CROCC2: variants seen among roughly 807,000 people sequenced by gnomAD.
CROCC2 encodes ciliary rootlet coiled-coil protein 2.
CROCC2 carries 163 observed loss-of-function variants against 177.6 expected under a neutral mutation model. The observed-to-expected ratio is 0.92, with a 90% CI of 0.81 to 1.05. The LOEUF (loss-of-function observed/expected upper bound fraction) is 1.05, where lower values mean the gene tolerates loss of function less well. CROCC2 is among the 50% of genes least tolerant of loss of function. The pLI is 0.00. For synonymous variants in CROCC2, 904 were observed against 787.3 expected (o/e 1.15, Z -2.48); for missense variants, 1,929 against 1,797.8 (o/e 1.07, Z -1.32).
At chr2:240,967,534 T>C in intron 26 of CROCC2, 69 bp downstream of exon 26, 1 of 1,510,216 alleles carries the variant, frequency 6.6e-7, no homozygotes, top group Non-Finnish European at 8.9e-7. Context: ...ATGTCCCCAC[T>C]GCTGCCGGCT....
intron 31 of CROCC2, 136 bp from the exon 32 acceptor site, chr2:240,992,930 G>A (rs914796840): frequency 1.6e-6 from 1 of 623,326 alleles, no homozygotes; most frequent in East Asian, 2.9e-5. Context: ...GCCAGGGCGG[G>A]AGGGAGGAAC....
rs183814426 is a variant in CROCC2, at chr2:240,962,568, G to A, written c.3088-988G>A. On this transcript the variant is annotated intron_variant, in intron 20 of 31. Transcript: ENST00000690015. ...CAGCGGCAGCCTCGGGAGCCAGGCCGGTCGGGGGCCTGGACAATATCCCGT... is the reference window on the plus strand; with the variant it reads ...CAGCGGCAGCCTCGGGAGCCAGGCCAGTCGGGGGCCTGGACAATATCCCGT... 6.9e-3 allele frequency among the ~76,000 whole-genome samples: 1,048 copies of A among 152,300 alleles called. 10 individuals carry two copies. Among genetic ancestry groups the A allele is most frequent in the African/African-American group, 0.024 (1,002 of 41,550 alleles).
chr2:240,915,332 G>A (rs985576444), intron 1 of CROCC2, among the ~76,000 whole-genome samples: 1 of 152,230 alleles, frequency 6.6e-6, no homozygotes, highest in Non-Finnish European at 1.5e-5. Context: ...CAGAGTGTGG[G>A]AGGTCATTTG....
rs760912710 is a variant in CROCC2 at position 240,965,745 on chromosome 2, G to A, written c.3713G>A (p.Arg1238Gln). 29 of 1,536,832 alleles carry A rather than the reference G, an allele frequency of 1.9e-5. No individual in the cohort carries two copies. Among genetic ancestry groups the A allele is most frequent in the South Asian group, 1.5e-4 (12 of 80,858 alleles). The change falls in exon 24 of 32, where the codon CGA becomes CAA. Residue 1238 changes from arginine to glutamine, a missense_variant. By Grantham distance (43) the Arg-to-Gln change is conservative. Coordinates refer to ENST00000690015, the MANE Select transcript of CROCC2 (RefSeq NM_001351305.2). ...AGCCGGGGGGCTGAGCAGACCCTCC[G>A]AGCAGAGCTGCACAGTGTCACCAGG... ...RESRGAEQTLRAELHSVTRKL... is the reference protein window; with the variant it reads ...RESRGAEQTLQAELHSVTRKL...
At chr2:240,934,222 G>A (rs987081947) in intron 11 of CROCC2, 109 bp from the exon 12 acceptor site, 34 of 1,248,488 alleles carry the variant, frequency 2.7e-5, no homozygotes, top group Non-Finnish European at 3.6e-5. Flanking sequence ...TGCTCCTCCT[G>A]GGCCTCCCTG....
chr2:240,970,373 G>A (rs1319841308), intron 27 of CROCC2, among the ~76,000 whole-genome samples: 1 of 152,130 alleles, frequency 6.6e-6, no homozygotes, highest in African/African-American at 2.4e-5. Context: ...TGCCTCTTCT[G>A]GGGGAATTTG....
intron 19 of CROCC2, 148 bp from the exon 20 acceptor site, chr2:240,959,153 G>A: frequency 1.1e-6 from 1 of 901,982 alleles, no homozygotes; most frequent in East Asian, 2.9e-5. Flanking sequence ...CCAAGGGCCA[G>A]TTACCCCGGG....
At chr2:240,951,868 C>T (rs1167058292) in intron 18 of CROCC2, among the ~76,000 whole-genome samples, 2 of 152,228 alleles carry the variant, frequency 1.3e-5, no homozygotes, top group East Asian at 1.9e-4. Context: ...ACCAGCCACA[C>T]ATCTGGCCAT....
chr2:240,918,194 G>A lies in CROCC2; in HGVS notation c.79-532G>A, dbSNP rs1002945108. 6.6e-6 allele frequency among the ~76,000 whole-genome samples: 1 copy of A among 152,178 alleles called. No homozygotes were observed. Among genetic ancestry groups the A allele is most frequent in the Non-Finnish European group, 1.5e-5 (1 of 68,016 alleles). On this transcript the variant is annotated intron_variant, in intron 1 of 31. Coordinates refer to ENST00000690015, the MANE Select transcript of CROCC2 (RefSeq NM_001351305.2). This position sits in a 1 kb window ranked among gnomAD's most constrained non-coding sequence, Gnocchi z 6.3. The stretch of plus-strand genomic sequence containing the variant: ...TGGGCAGCTGAGCAGAGAAGGATGG[G>A]TTCAGCCTCAGCCCTCTGACCCATC...
chr2:240,952,188 C>A (rs988922474), intron 18 of CROCC2, among the ~76,000 whole-genome samples: 20 of 151,748 alleles, frequency 1.3e-4, no homozygotes, highest in Non-Finnish European at 1.9e-4. Context: ...TCTACTAAAA[C>A]CACAAAAAAT....
chr2:240,993,042 G>A (rs1307482183), intron 31 of CROCC2, 24 bp from the exon 32 acceptor site: 12 of 716,626 alleles, frequency 1.7e-5, no homozygotes, highest in Middle Eastern at 2.3e-4. Flanking sequence ...CGGTGTCCAC[G>A]CCTCCCTCTT....
In CROCC2 at chr2:240,988,752, C is replaced by T; in HGVS notation, c.4565C>T (p.Thr1522Ile). The T allele has an allele frequency of 1.4e-6, 2 of 1,475,154 alleles. No homozygotes were observed. Among genetic ancestry groups the T allele is most frequent in the East Asian group, 2.6e-5 (1 of 37,962 alleles). 91.4% of individuals were successfully genotyped at this position (1,475,154 alleles called of 1,614,324 possible). ...GGATCTCTGCAGATGGAGCAAGAGA[C>T]ACTGAAGAGGGAGGAGGATGTGGCG... ...LEPLRQMEQE[T>I]LKREEDVARL... Residue 1522 changes from threonine to isoleucine, a missense_variant, in exon 29 of 32, where the codon ACA becomes ATA. By Grantham distance (89) the Thr-to-Ile change is moderately conservative. Transcript: ENST00000690015.
intron 9 of CROCC2, 63 bp from the exon 10 acceptor site, chr2:240,933,068 T>C: frequency 6.5e-7 from 1 of 1,538,876 alleles, no homozygotes. Context: ...CAAGCCCTGG[T>C]GGGCCTCGGT....
rs773338730 is a variant in CROCC2 at position 240,983,482 on chromosome 2, G to T, written c.4551+453G>T. 3.2e-6 allele frequency: 4 copies of T among 1,242,080 alleles called. No homozygotes were observed. In the South Asian group the frequency reaches 5.3e-5, roughly 16 times the overall value. The allele number at this position is 1,242,080 out of a possible 1,614,324, so 76.9% of individuals were successfully genotyped here. ...GGCAGGAGGCGGCCGAGGCGCAGGC[G>T]GAGAGGCGCGTCCTGCAGGAGCAGA... On this transcript the variant is annotated intron_variant, in intron 28 of 31. Coordinates refer to ENST00000690015, the MANE Select transcript of CROCC2 (RefSeq NM_001351305.2).
At chr2:240,961,520 G>A (rs977660867) in intron 20 of CROCC2, among the ~76,000 whole-genome samples, 1 of 149,364 alleles carries the variant, frequency 6.7e-6, no homozygotes, top group Non-Finnish European at 1.5e-5. Context: ...ACCACATACA[G>A]AGTGGACACC....
intron 1 of CROCC2, among the ~76,000 whole-genome samples, chr2:240,914,605 A>AT (rs1204728227): frequency 6.6e-6 from 1 of 151,970 alleles, no homozygotes; most frequent in Non-Finnish European, 1.5e-5. Flanking sequence ...AGCTGCCTCC[A>AT]TCCCACCCCT....
chr2:240,956,447 AC>A (rs1248250224), intron 19 of CROCC2: 1 of 166,470 alleles, frequency 6.0e-6, no homozygotes, highest in Admixed American at 5.7e-5. Flanking sequence ...AGGAAAGGAC[AC>A]CCACATTGAG....
intron 14 of CROCC2, among the ~76,000 whole-genome samples, 160 bp from the exon 15 acceptor site, chr2:240,945,900 C>A (rs1415582155): frequency 6.6e-6 from 1 of 152,108 alleles, no homozygotes; most frequent in African/African-American, 2.4e-5. Context: ...TAAAAACATA[C>A]ATGTGTTTCT....
intron 14 of CROCC2, among the ~76,000 whole-genome samples, chr2:240,940,715 C>G (rs2059490707): frequency 6.6e-6 from 1 of 152,160 alleles, no homozygotes; most frequent in African/African-American, 2.4e-5. Flanking sequence ...TAAAAGCCAT[C>G]TATGACAAAC....
Sources: gnomAD v4.1 joint callset for allele counts (sites outside exome capture counted in the v4.1 genomes callset) on GRCh38, gnomAD v4.1.1 for gene constraint, Gnocchi (gnomAD v3.1) non-coding constraint, MANE v1.5 for transcripts, NCBI Gene and HGNC (gene_info 2026-07-23, HGNC 2026-07-21) for gene names.